The following UNC79 variants were observed in gnomAD, a reference collection of about 807,000 sequenced individuals.
UNC79 encodes the protein protein unc-79 homolog.
A neutral mutation model predicts 283.1 loss-of-function variants in UNC79; 37 were observed. The observed-to-expected ratio is 0.13, with a 90% CI of 0.10 to 0.17. UNC79 has a LOEUF of 0.17. UNC79 is among the 10% of genes least tolerant of loss of function. The pLI is 1.00. For synonymous variants in UNC79, 1,107 were observed against 1,200.2 expected (o/e 0.92, Z 1.61); for missense variants, 2,272 against 3,211.1 (o/e 0.71, Z 7.07).
chr14:93,662,045 A>G (rs750495070), intron 39 of UNC79, among the ~76,000 whole-genome samples: 3 of 152,350 alleles, frequency 2.0e-5, no homozygotes, highest in Middle Eastern at 3.4e-3. Flanking sequence ...AAGAAAGCAT[A>G]TGGAACTAAA....
intron 7 of UNC79, among the ~76,000 whole-genome samples, chr14:93,515,034 AT>A (rs929614603): frequency 6.6e-6 from 1 of 152,006 alleles, no homozygotes; most frequent in African/African-American, 2.4e-5. Context: ...TTTTATGCAT[AT>A]TTTTTGTATT....
chr14:93,602,296 A>C (rs2065565505), intron 25 of UNC79, among the ~76,000 whole-genome samples: 1 of 152,168 alleles, frequency 6.6e-6, no homozygotes, highest in Admixed American at 6.5e-5. Context: ...AGATACGAGT[A>C]TCCAGTTTCA....
At chr14:93,547,994 C>T (rs1434051903) in intron 14 of UNC79, among the ~76,000 whole-genome samples, 1 of 151,840 alleles carries the variant, frequency 6.6e-6, no homozygotes, top group Non-Finnish European at 1.5e-5. Flanking sequence ...CTCAAAAAAA[C>T]AAACAACAAA....
At chr14:93,595,218 C>A (rs908877397) in intron 23 of UNC79, among the ~76,000 whole-genome samples, 8 of 151,858 alleles carry the variant, frequency 5.3e-5, no homozygotes, top group East Asian at 3.9e-4. Flanking sequence ...GCCTCCTGAG[C>A]AGCTGGGACT....
At chr14:93,594,482 C>T (rs928318618) in intron 23 of UNC79, among the ~76,000 whole-genome samples, 7 of 152,136 alleles carry the variant, frequency 4.6e-5, no homozygotes, top group Non-Finnish European at 1.0e-4. Context: ...GTTGATCAGG[C>T]TGGTCTTGAA....
chr14:93,537,957 AT>A, intron 11 of UNC79, 31 bp from the exon 12 acceptor site: 1 of 1,582,138 alleles, frequency 6.3e-7, no homozygotes, highest in Non-Finnish European at 8.6e-7. Flanking sequence ...TCGGTGGTCA[AT>A]TTTAATTGAT....
At chr14:93,538,195 C>T in exon 12 of UNC79, 4 of 1,605,766 alleles carry the variant, frequency 2.5e-6, no homozygotes, top group Non-Finnish European at 3.4e-6. Context: ...AGGAGCTGGT[C>T]TGCGCCGTGG....
chr14:93,430,931 TG>T lies in UNC79; in HGVS notation c.-93del. On this transcript the variant is annotated 5_prime_UTR_variant, in exon 1 of 49. Transcript: ENST00000555664. This position sits in a 1 kb window ranked among gnomAD's most constrained non-coding sequence, Gnocchi z 4.6. ...AGGGGGAAAGCGAGGGGGTGGGGGGTGGGGGGTATGCACTCTTTTCCTCGCA... is the reference window on the plus strand; with the variant it reads ...AGGGGGAAAGCGAGGGGGTGGGGGGTGGGGGTATGCACTCTTTTCCTCGCA... The T allele has an allele frequency of 1.6e-5, 3 of 186,438 alleles. No homozygotes were observed. Among genetic ancestry groups the T allele is most frequent in the Non-Finnish European group, 3.2e-5 (3 of 92,912 alleles). 11.5% of individuals were successfully genotyped at this position (186,438 alleles called of 1,614,324 possible).
intron 1 of UNC79, among the ~76,000 whole-genome samples, chr14:93,349,734 A>G (rs2139908993): frequency 6.6e-6 from 1 of 152,248 alleles, no homozygotes; most frequent in East Asian, 1.9e-4. Flanking sequence ...TTTTATATCT[A>G]CCTTCGCTAA....
At chr14:93,699,915 T>G (rs1236758967) in intron 47 of UNC79, among the ~76,000 whole-genome samples, 1 of 152,212 alleles carries the variant, frequency 6.6e-6, no homozygotes, top group South Asian at 2.1e-4. Context: ...TCATCTTTCA[T>G]CTTTCCTTCT....
exon 30 of UNC79, chr14:93,622,296 G>A (rs1180289300): frequency 6.2e-7 from 1 of 1,614,142 alleles, no homozygotes; most frequent in African/African-American, 1.3e-5. Context: ...GTACAAGTAA[G>A]TGTGGAGGAT....
intron 1 of UNC79, among the ~76,000 whole-genome samples, chr14:93,374,290 T>C (rs1323720027): frequency 6.6e-6 from 1 of 152,104 alleles, no homozygotes; most frequent in African/African-American, 2.4e-5. Flanking sequence ...GCTATGTGGG[T>C]TGCACCCAGC....
chr14:93,596,228 T>C (rs1021799064), intron 23 of UNC79, among the ~76,000 whole-genome samples: 3 of 152,072 alleles, frequency 2.0e-5, no homozygotes, highest in South Asian at 2.1e-4. Context: ...TGCAAATGAG[T>C]AGTACTTTTA....
Position 93,574,964 on chromosome 14 carries a change from A to G in UNC79, c.2071-94A>G, listed in dbSNP as rs1390380385. 1.3e-5 allele frequency: 18 copies of G among 1,343,802 alleles called. No individual in the cohort carries two copies. The East Asian group carries it at 4.0e-4, about 30-fold the overall frequency. 83.2% of individuals were successfully genotyped at this position (1,343,802 alleles called of 1,614,324 possible). On this transcript the variant is annotated intron_variant, in intron 16 of 48. Coordinates refer to ENST00000555664, the Ensembl canonical transcript of UNC79. ...GTAAGGCTAATTATCCTTATGTTCA[A>G]TAATTTGCTTTGGAAAAAGAAGGTT...
At chr14:93,703,384 C>T (rs1183052375) in intron 47 of UNC79, among the ~76,000 whole-genome samples, 1 of 152,180 alleles carries the variant, frequency 6.6e-6, no homozygotes, top group Non-Finnish European at 1.5e-5. Flanking sequence ...GACCTGTCTC[C>T]TAGCTTCTGG....
intron 1 of UNC79, among the ~76,000 whole-genome samples, chr14:93,410,404 G>A (rs1445488466): frequency 6.6e-6 from 1 of 152,156 alleles, no homozygotes; most frequent in Non-Finnish European, 1.5e-5. Context: ...GAACTCCTGG[G>A]TGAGTCCTAG....
At chr14:93,529,298 G>A (rs757166098) in exon 10 of UNC79, 3 of 1,613,770 alleles carry the variant, frequency 1.9e-6, no homozygotes, top group Admixed American at 1.7e-5. Flanking sequence ...ACCACAGTGA[G>A]TGGCTGATTG....
intron 1 of UNC79, among the ~76,000 whole-genome samples, chr14:93,436,694 T>C (rs1005074534): frequency 1.3e-5 from 2 of 152,228 alleles, no homozygotes; most frequent in Non-Finnish European, 2.9e-5. Context: ...TCTGCATAAA[T>C]AAACATATAT....
chr14:93,660,520 CATATATATATAT>C (rs57703735), intron 39 of UNC79, among the ~76,000 whole-genome samples: 8,721 of 48,728 alleles, frequency 0.18, 746 homozygotes, highest in Admixed American at 0.24. Context: ...AAGACAATAG[CATATATATATAT>C]ATATATATAT....
Sources: gnomAD v4.1 joint callset for allele counts (sites outside exome capture counted in the v4.1 genomes callset) on GRCh38, gnomAD v4.1.1 for gene constraint, Gnocchi (gnomAD v3.1) non-coding constraint, MANE v1.5 for transcripts, NCBI Gene and HGNC (gene_info 2026-07-23, HGNC 2026-07-21) for gene names.